BLTP3B: variants seen among roughly 807,000 people sequenced by gnomAD.
BLTP3B encodes the protein UHRF1 (ICBP90) binding protein 1-like.
At chr12:100,048,166 T>C in the BLTP3B span, 8 of 1,600,396 alleles carry the variant, frequency 5.0e-6, no homozygotes, top group South Asian at 8.0e-5. Flanking sequence ...AGGAGAGGAT[T>C]TGGAATGAAT....
chr12:100,043,784 G>A, the BLTP3B span, among the ~76,000 whole-genome samples: 1 of 152,104 alleles, frequency 6.6e-6, no homozygotes, highest in Non-Finnish European at 1.5e-5. Flanking sequence ...GTCTACTACT[G>A]GGCACAGGCA....
chr12:100,077,138 G>T, the BLTP3B span, among the ~76,000 whole-genome samples: 1 of 152,148 alleles, frequency 6.6e-6, no homozygotes, highest in Non-Finnish European at 1.5e-5. Context: ...CTTATAAGAT[G>T]TGGATCCCAT....
the BLTP3B span, among the ~76,000 whole-genome samples, chr12:100,050,855 G>T: frequency 6.6e-6 from 1 of 151,860 alleles, no homozygotes; most frequent in South Asian, 2.1e-4. Flanking sequence ...ACAGAAAAAA[G>T]AAAGAGCCTC....
chr12:100,054,792 A>G, the BLTP3B span, among the ~76,000 whole-genome samples: 1 of 152,158 alleles, frequency 6.6e-6, no homozygotes. Flanking sequence ...ACGGCTTGTT[A>G]AAAACTTGGG....
At chr12:100,117,139 T>C in the BLTP3B span, among the ~76,000 whole-genome samples, 3 of 152,188 alleles carry the variant, frequency 2.0e-5, no homozygotes, top group African/African-American at 7.2e-5. Context: ...AAAAATTACA[T>C]AGATATTCTA....
the BLTP3B span, among the ~76,000 whole-genome samples, chr12:100,108,090 A>T: frequency 6.6e-6 from 1 of 150,376 alleles, no homozygotes; most frequent in Non-Finnish European, 1.5e-5. Flanking sequence ...ACTTATGAAA[A>T]AACTATCTTT....
At chr12:100,061,445 C>T in the BLTP3B span, among the ~76,000 whole-genome samples, 1 of 152,022 alleles carries the variant, frequency 6.6e-6, no homozygotes, top group African/African-American at 2.4e-5. Context: ...ATCACGAGGT[C>T]AGGAGATCGA....
chr12:100,070,062 T>A, the BLTP3B span: 1 of 1,419,428 alleles, frequency 7.0e-7, no homozygotes, highest in Non-Finnish European at 9.3e-7. Flanking sequence ...AATTTAGATT[T>A]ACAAGACAAT....
the BLTP3B span, among the ~76,000 whole-genome samples, chr12:100,056,042 T>C: frequency 2.0e-5 from 3 of 152,304 alleles, no homozygotes; most frequent in East Asian, 5.8e-4. Flanking sequence ...GCTTCTATTA[T>C]TACAGAGTTG....
At chr12:100,117,696 T>C in the BLTP3B span, among the ~76,000 whole-genome samples, 1 of 152,146 alleles carries the variant, frequency 6.6e-6, no homozygotes, top group African/African-American at 2.4e-5. Flanking sequence ...AGATGGGGTC[T>C]CGCTGTGTTG....
chr12:100,107,911 T>G, the BLTP3B span, among the ~76,000 whole-genome samples: 1,921 of 152,046 alleles, frequency 0.013, 16 homozygotes, highest in Non-Finnish European at 0.02. Context: ...TATTTTTTTA[T>G]TTTTATTTTT....
the BLTP3B span, chr12:100,050,992 A>G: frequency 6.5e-7 from 1 of 1,539,528 alleles, no homozygotes; most frequent in Non-Finnish European, 8.7e-7. Context: ...CATTTTATAT[A>G]TGAATGTCTC....
the BLTP3B span, among the ~76,000 whole-genome samples, chr12:100,052,794 T>G: frequency 6.2e-5 from 9 of 145,208 alleles, no homozygotes; most frequent in African/African-American, 2.4e-4. Flanking sequence ...TTTTCTGTTT[T>G]TTTTTTTTTT....
At chr12:100,116,448 C>CAAAAAAAAAA in the BLTP3B span, among the ~76,000 whole-genome samples, 7 of 55,974 alleles carry the variant, frequency 1.3e-4, no homozygotes, top group Non-Finnish European at 2.6e-4. Context: ...GATCCTGTCT[C>CAAAAAAAAAA]AAAAAAAAAA....
chr12:100,066,519 C>T, the BLTP3B span, among the ~76,000 whole-genome samples: 59 of 151,902 alleles, frequency 3.9e-4, no homozygotes, highest in African/African-American at 1.2e-3. Flanking sequence ...TCCGGCCGGG[C>T]GTGGTAGCTC....
At chr12:100,114,846 A>C in the BLTP3B span, among the ~76,000 whole-genome samples, 4 of 152,128 alleles carry the variant, frequency 2.6e-5, no homozygotes, top group African/African-American at 9.7e-5. Context: ...TTTCTACAGA[A>C]ACTCCTATTT....
chr12:100,074,129 G>A, the BLTP3B span, among the ~76,000 whole-genome samples: 4 of 152,060 alleles, frequency 2.6e-5, no homozygotes, highest in Non-Finnish European at 5.9e-5. Context: ...TAAACTCCAC[G>A]AAAAGACTCC....
chr12:100,099,525 C>T, the BLTP3B span, among the ~76,000 whole-genome samples: 2 of 149,180 alleles, frequency 1.3e-5, no homozygotes, highest in Admixed American at 6.9e-5. Context: ...CTTTGGGAGG[C>T]CACTTGAACC....
At chr12:100,060,121 T>TGAGACGGC in the BLTP3B span, 1 of 1,131,714 alleles carries the variant, frequency 8.8e-7, no homozygotes, top group Admixed American at 3.6e-5. Context: ...AATACATGTT[T>TGAGACGGC]AGTCAGTTTT....
Sources: allele counts gnomAD v4.1 joint callset (sites outside exome capture counted in the v4.1 genomes callset), GRCh38; gene constraint gnomAD v4.1.1; transcripts MANE v1.5; gene names NCBI Gene and HGNC (gene_info 2026-07-23, HGNC 2026-07-21).